The following PHF19 variants were observed in gnomAD, a reference collection of about 807,000 sequenced individuals.
PHF19 encodes the protein PHD finger protein 19.
A neutral mutation model predicts 79.8 loss-of-function variants in PHF19; 21 were observed. That is an observed-to-expected ratio of 0.26 (90% CI 0.19 to 0.38). The LOEUF is 0.38. Ranked by LOEUF, PHF19 falls within the 10% of genes least tolerant of loss-of-function variation. PHF19 has a pLI of 1.00. For synonymous variants in PHF19, 273 were observed against 296.3 expected (o/e 0.92, Z 0.81); for missense variants, 445 against 744.2 (o/e 0.60, Z 4.68).
chr9:120,886,404 A>T (rs2046263309), intron 1 of PHF19, among the ~76,000 whole-genome samples: 1 of 152,254 alleles, frequency 6.6e-6, no homozygotes, highest in Non-Finnish European at 1.5e-5. Flanking sequence ...GAACCAAAAT[A>T]GAGAAATGCG....
chr9:120,860,186 C>G lies in PHF19; in HGVS notation c.1305-1G>C. 1 of 1,562,562 alleles carries G rather than the reference C, an allele frequency of 6.4e-7. No individual in the cohort carries two copies. Among genetic ancestry groups the G allele is most frequent in the East Asian group, 2.3e-5 (1 of 43,504 alleles). On this transcript the variant is annotated splice_acceptor_variant, in intron 13 of 14. Transcript: ENST00000373896. LOFTEE classifies it high-confidence loss of function. The surrounding 1 kb of genome is among the most constrained non-coding windows in gnomAD (Gnocchi z 4.1). The stretch of plus-strand genomic sequence containing the variant: ...GAAGAAGGTCTGGCCTGAGCTGGCA[C>G]TGAGAGGGGCAAGACCGTGAGCCTG...
chr9:120,857,139 C>A lies in PHF19; in HGVS notation c.*805G>T. The A allele has an allele frequency of 6.7e-6, 1 of 149,568 alleles. No homozygotes were observed. Among genetic ancestry groups the A allele is most frequent in the Non-Finnish European group, 1.5e-5 (1 of 67,408 alleles). The allele number at this position is 149,568 out of a possible 1,614,324, so 9.3% of individuals were successfully genotyped here. A position where few individuals can be genotyped will look rare whatever the true frequency, so the allele number is the denominator to read the frequency against. ...GGTTTCCCTCCCACCACTACCACCC[C>A]CCACCCCCGTCCCCCAGGTTTGGAA... is the stretch of plus-strand genomic sequence containing the variant. On this transcript the variant is annotated 3_prime_UTR_variant, in exon 15 of 15. Coordinates refer to ENST00000373896, the MANE Select transcript of PHF19 (RefSeq NM_015651.3).
chr9:120,894,640 C>A, intron 1 of PHF19: 1 of 287,172 alleles, frequency 3.5e-6, no homozygotes, highest in Non-Finnish European at 6.4e-6. Context: ...CAGGAGCCGG[C>A]GCCTGCGAGC....
At chr9:120,875,064 C>A (rs1193126422) in intron 1 of PHF19, among the ~76,000 whole-genome samples, 1 of 152,186 alleles carries the variant, frequency 6.6e-6, no homozygotes, top group African/African-American at 2.4e-5. Context: ...ACCCAGCGGG[C>A]CTGAACCACT....
At chr9:120,889,425 CAAAAA>C (rs35061787) in intron 1 of PHF19, among the ~76,000 whole-genome samples, 2 of 100,252 alleles carry the variant, frequency 2.0e-5, no homozygotes, top group Non-Finnish European at 3.8e-5. Flanking sequence ...GTCTCCATCT[CAAAAA>C]AAAAAAAAAA....
rs766934628 is a variant in PHF19, at chr9:120,862,051, G to T, written c.1131-46C>A. On this transcript the variant is annotated intron_variant, in intron 11 of 14. Transcript: ENST00000373896. This position sits in a 1 kb window ranked among gnomAD's most constrained non-coding sequence, Gnocchi z 4.6. ...GAAGGTGGCCCCGTCAGAGCCTGAG[G>T]GCCCTAGGGTGGCCCAGAGGGAGGC... is the stretch of plus-strand genomic sequence containing the variant. 4.1e-6 allele frequency: 6 copies of T among 1,460,252 alleles called. No individual in the cohort carries two copies. The Admixed American group carries it at 5.0e-5, about 12-fold the overall frequency. 90.5% of individuals were successfully genotyped at this position (1,460,252 alleles called of 1,614,324 possible).
Position 120,869,081 on chromosome 9 carries a change from G to A in PHF19, c.614+101C>T. 9.3e-7 allele frequency: 1 copy of A among 1,076,340 alleles called. No homozygotes were observed. Among genetic ancestry groups the A allele is most frequent in the Non-Finnish European group, 1.2e-6 (1 of 836,068 alleles). 66.7% of individuals were successfully genotyped at this position (1,076,340 alleles called of 1,614,324 possible). A position where few individuals can be genotyped will look rare whatever the true frequency, so the allele number is the denominator to read the frequency against. ...CACTGGGCCCGCCCTCAAGGTCCCC[G>A]CCTTGGCTGACACGCCAGGCTCGCT... On this transcript the variant is annotated intron_variant, in intron 6 of 14. Coordinates refer to ENST00000373896, the MANE Select transcript of PHF19 (RefSeq NM_015651.3). The surrounding 1 kb of genome is among the most constrained non-coding windows in gnomAD (Gnocchi z 5.8).
chr9:120,856,967 G>A lies in PHF19; in HGVS notation c.*977C>T, dbSNP rs953094678. On this transcript the variant is annotated 3_prime_UTR_variant, in exon 15 of 15. Transcript: ENST00000373896. Reference sequence around the variant, plus strand: ...TGTGTACACTTGGGCATGTGGTGGTGTGGCCGTGTGGGGTTGTCTGCATGC... The same window carrying A: ...TGTGTACACTTGGGCATGTGGTGGTATGGCCGTGTGGGGTTGTCTGCATGC... 3.9e-5 allele frequency: 6 copies of A among 152,918 alleles called. No homozygotes were observed. Among genetic ancestry groups the A allele is most frequent in the Non-Finnish European group, 8.8e-5 (6 of 68,322 alleles). The allele number at this position is 152,918 out of a possible 1,614,324, so 9.5% of individuals were successfully genotyped here. A position where few individuals can be genotyped will look rare whatever the true frequency, so the allele number is the denominator to read the frequency against.
rs1351633522 is a variant in PHF19, at chr9:120,856,765, A to T, written c.*1179T>A. 6.5e-6 allele frequency: 1 copy of T among 152,690 alleles called. No individual in the cohort carries two copies. The highest frequency in any genetic ancestry group is 1.5e-5 in the Non-Finnish European group (1 of 68,094). 9.5% of individuals were successfully genotyped at this position (152,690 alleles called of 1,614,324 possible). On this transcript the variant is annotated 3_prime_UTR_variant, in exon 15 of 15. Transcript: ENST00000373896. ...TGTCCATTTCAGGGCAGGGCAAGGG[A>T]TATGAAAGAGGGTGAGTCCCCTGTG...
At position 120,869,905 on chromosome 9, in the gene PHF19, A is replaced by G; in HGVS notation, c.405T>C (p.Ala135=). The change falls in exon 5 of 15, where the codon GCT becomes GCC. Residue 135 remains alanine, a synonymous_variant. Transcript: ENST00000373896. This position sits in a 1 kb window ranked among gnomAD's most constrained non-coding sequence, Gnocchi z 5.8. ...QQCHIPIAGS[A]DQPLLTPWFC... ...ACCAAGGTGTGAGCAGGGGCTGGTC[A>G]GCACTGCCCGCTATGGGGATGTGGC... 3 of 1,596,186 alleles carry G rather than the reference A, an allele frequency of 1.9e-6. No individual in the cohort carries two copies. The highest frequency in any genetic ancestry group is 2.6e-6 in the Non-Finnish European group (3 of 1,172,022).
At chr9:120,885,165 C>T (rs2046245417) in intron 1 of PHF19, among the ~76,000 whole-genome samples, 1 of 152,186 alleles carries the variant, frequency 6.6e-6, no homozygotes, top group African/African-American at 2.4e-5. Context: ...ATGCAGTAAG[C>T]TATGATTACA....
At chr9:120,877,256 AG>A (rs2046092841), upstream of PHF19, 1 of 740,050 alleles carries the variant, frequency 1.4e-6, no homozygotes, top group African/African-American at 2.2e-5. Context: ...CGCGGGGAGG[AG>A]GGGGAGGCGG....
intron 1 of PHF19, among the ~76,000 whole-genome samples, chr9:120,890,998 C>T (rs1357073697): frequency 6.6e-6 from 1 of 152,188 alleles, no homozygotes; most frequent in African/African-American, 2.4e-5. Flanking sequence ...CCCCTCTCCC[C>T]GGAATTTGGG....
At chr9:120,863,962 G>T (rs1309402810) in intron 10 of PHF19, 87 bp downstream of exon 10, 2 of 1,049,214 alleles carry the variant, frequency 1.9e-6, no homozygotes, top group African/African-American at 1.6e-5. Flanking sequence ...GAGAGGCAGG[G>T]AGCATAGCCT....
chr9:120,888,813 G>T (rs905111553), intron 1 of PHF19, among the ~76,000 whole-genome samples: 25 of 152,184 alleles, frequency 1.6e-4, no homozygotes, highest in African/African-American at 5.6e-4. Context: ...CTGATCCAGG[G>T]TTCTCTACTG....
rs958575362 is a variant in PHF19, at chr9:120,870,763, A to G, written c.269-225T>C. ...TAAGTCCCTTGCTTAGCTAGTAAGT[A>G]GGTGAGGGGGGGATTAAACCCATGG... On this transcript the variant is annotated intron_variant, in intron 3 of 14. Transcript: ENST00000373896. This position sits in a 1 kb window ranked among gnomAD's most constrained non-coding sequence, Gnocchi z 4.4. Among the ~76,000 whole-genome samples, 9 of 152,226 alleles carry G rather than the reference A, an allele frequency of 5.9e-5. No homozygotes were observed. The highest frequency in any genetic ancestry group is 1.2e-4 in the Non-Finnish European group (8 of 68,046).
At chr9:120,889,490 AC>A (rs1415680053) in intron 1 of PHF19, among the ~76,000 whole-genome samples, 6 of 151,736 alleles carry the variant, frequency 4.0e-5, no homozygotes, top group Admixed American at 3.3e-4. Flanking sequence ...TAATTCCAGC[AC>A]AGGAATTGGG....
Position 120,869,453 on chromosome 9 carries a change from G to T in PHF19, c.466-123C>A. 1 of 1,331,320 alleles carries T rather than the reference G, an allele frequency of 7.5e-7. No homozygotes were observed. Among genetic ancestry groups the T allele is most frequent in the Non-Finnish European group, 1.0e-6 (1 of 995,262 alleles). The allele number at this position is 1,331,320 out of a possible 1,614,324, so 82.5% of individuals were successfully genotyped here. On this transcript the variant is annotated intron_variant, in intron 5 of 14. Coordinates refer to ENST00000373896, the MANE Select transcript of PHF19 (RefSeq NM_015651.3). The surrounding 1 kb of genome is among the most constrained non-coding windows in gnomAD (Gnocchi z 5.8). ...GGGGACCCGCAGATATTCCAATATA[G>T]TCAGAAAAGCAAGGAGCTTTTTCTC...
At chr9:120,883,998 C>G (rs2046228015) in intron 1 of PHF19, among the ~76,000 whole-genome samples, 1 of 152,162 alleles carries the variant, frequency 6.6e-6, no homozygotes, top group South Asian at 2.1e-4. Context: ...GGTCACTTCT[C>G]TAATCAGGGC....
Sources: allele counts gnomAD v4.1 joint callset (sites outside exome capture counted in the v4.1 genomes callset), GRCh38; gene constraint gnomAD v4.1.1; non-coding constraint Gnocchi (gnomAD v3.1); transcripts MANE v1.5; gene names NCBI Gene and HGNC (gene_info 2026-07-23, HGNC 2026-07-21).